CNTNAP5: variants seen among roughly 807,000 people sequenced by gnomAD.
CNTNAP5 encodes the protein contactin associated protein family member 5, also known as contactin-associated protein-like 5.
In CNTNAP5, 72 loss-of-function variants were observed where a neutral mutation model predicts 150.2. The observed-to-expected ratio is 0.48, with a 90% CI of 0.40 to 0.58. CNTNAP5 has a LOEUF of 0.58. CNTNAP5 is among the 20% of genes least tolerant of loss of function. CNTNAP5 has a pLI of 0.00. For synonymous variants in CNTNAP5, 672 were observed against 619.8 expected (o/e 1.08, Z -1.25); for missense variants, 1,636 against 1,626.2 (o/e 1.01, Z -0.10).
chr2:124,113,504 ATATG>A (rs1186664880), intron 1 of CNTNAP5, among the ~76,000 whole-genome samples: 9 of 115,412 alleles, frequency 7.8e-5, no homozygotes, highest in Middle Eastern at 4.1e-3. Context: ...TGATACATAT[ATATG>A]TGTGTGTGTG....
At position 124,764,944 on chromosome 2, in the gene CNTNAP5, C is replaced by T. The variant is rs540671185; in HGVS notation, c.2533+797C>T. ...TTTATGTTTCTGAGTCTCTACTTCTCGAAATTTGACAGTGACTTCATAAAA... is the reference window on the plus strand; with the variant it reads ...TTTATGTTTCTGAGTCTCTACTTCTTGAAATTTGACAGTGACTTCATAAAA... On this transcript the variant is annotated intron_variant, in intron 16 of 23. Coordinates refer to ENST00000682447, the MANE Select transcript of CNTNAP5 (RefSeq NM_001367498.1). Among the ~76,000 whole-genome samples the T allele has an allele frequency of 1.4e-4, 21 of 152,076 alleles. No individual in the cohort carries two copies. In the South Asian group the frequency reaches 4.1e-3, roughly 30 times the overall value.
At chr2:124,242,091 G>A in intron 2 of CNTNAP5, 109 bp from the exon 3 acceptor site, 3 of 847,268 alleles carry the variant, frequency 3.5e-6, no homozygotes, top group Non-Finnish European at 5.6e-6. Context: ...CCATTTGGGG[G>A]TAGAGTCATC....
chr2:124,240,194 C>T (rs6740414), intron 2 of CNTNAP5, among the ~76,000 whole-genome samples: 31,287 of 152,064 alleles, frequency 0.21, 3,309 homozygotes, highest in East Asian at 0.25. Context: ...GAGTCCAATG[C>T]ACAATGACTT....
chr2:124,463,987 A>G (rs1693316201), intron 6 of CNTNAP5, among the ~76,000 whole-genome samples: 1 of 152,190 alleles, frequency 6.6e-6, no homozygotes, highest in Non-Finnish European at 1.5e-5. Context: ...CTCAAAGGTT[A>G]GAGAAAAAAC....
intron 3 of CNTNAP5, among the ~76,000 whole-genome samples, chr2:124,290,879 T>TTTA (rs1388872141): frequency 3.3e-5 from 1 of 30,108 alleles, no homozygotes; most frequent in African/African-American, 2.0e-4. Flanking sequence ...CCTTCCTTTA[T>TTTA]TTATTTATTT....
intron 4 of CNTNAP5, among the ~76,000 whole-genome samples, chr2:124,429,082 A>G (rs1692307392): frequency 6.6e-6 from 1 of 152,208 alleles, no homozygotes. Context: ...AGATATCCAG[A>G]AAAAGTCGTT....
intron 1 of CNTNAP5, among the ~76,000 whole-genome samples, chr2:124,170,221 C>G: frequency 6.6e-6 from 1 of 151,164 alleles, no homozygotes; most frequent in Non-Finnish European, 1.5e-5. Flanking sequence ...AATCCACTTT[C>G]AGACATTATG....
intron 1 of CNTNAP5, among the ~76,000 whole-genome samples, chr2:124,084,551 G>A (rs1682633097): frequency 6.6e-6 from 1 of 152,050 alleles, no homozygotes; most frequent in South Asian, 2.1e-4. Flanking sequence ...TTACAAGCCT[G>A]AGCCACCGTG....
chr2:124,402,882 C>A (rs1444451577), intron 3 of CNTNAP5, among the ~76,000 whole-genome samples: 1 of 152,196 alleles, frequency 6.6e-6, no homozygotes, highest in Non-Finnish European at 1.5e-5. Flanking sequence ...TGGCCAGTGC[C>A]TAAAACCTAT....
intron 1 of CNTNAP5, among the ~76,000 whole-genome samples, chr2:124,052,344 G>A (rs898053351): frequency 1.3e-5 from 2 of 152,178 alleles, no homozygotes; most frequent in Non-Finnish European, 2.9e-5. Flanking sequence ...ACCCAGGGGA[G>A]TAGTCATACA....
At chr2:124,318,262 A>G (rs1689015790) in intron 3 of CNTNAP5, among the ~76,000 whole-genome samples, 1 of 152,218 alleles carries the variant, frequency 6.6e-6, no homozygotes, top group African/African-American at 2.4e-5. Flanking sequence ...TATGTAGAAG[A>G]GCTGAATTTT....
intron 3 of CNTNAP5, among the ~76,000 whole-genome samples, chr2:124,348,559 A>G (rs560170906): frequency 6.6e-6 from 1 of 152,310 alleles, no homozygotes; most frequent in African/African-American, 2.4e-5. Context: ...CTGTATAATT[A>G]TTATATTAAA....
At chr2:124,746,875 G>A (rs1680613347) in intron 13 of CNTNAP5, among the ~76,000 whole-genome samples, 1 of 152,078 alleles carries the variant, frequency 6.6e-6, no homozygotes. Context: ...CTGCCTCTCA[G>A]CATTGCCATT....
intron 6 of CNTNAP5, 126 bp from the exon 7 acceptor site, chr2:124,474,613 T>G (rs1319714728): frequency 1.4e-6 from 1 of 701,922 alleles, no homozygotes; most frequent in African/African-American, 1.8e-5. Context: ...AAGTAGCATC[T>G]ATAATTATTT....
intron 8 of CNTNAP5, among the ~76,000 whole-genome samples, chr2:124,507,418 C>T (rs908980610): frequency 7.2e-5 from 11 of 152,102 alleles, no homozygotes; most frequent in Middle Eastern, 3.4e-3. Flanking sequence ...ATAATCACGC[C>T]GCTGCACTCC....
At chr2:124,149,721 T>G (rs147287643) in intron 1 of CNTNAP5, among the ~76,000 whole-genome samples, 79 of 152,306 alleles carry the variant, frequency 5.2e-4, no homozygotes, top group African/African-American at 1.9e-3. Context: ...TGCTGCTGCT[T>G]CTTCCTCTCC....
chr2:124,263,872 C>T (rs1291789990), intron 3 of CNTNAP5, among the ~76,000 whole-genome samples: 1 of 152,114 alleles, frequency 6.6e-6, no homozygotes, highest in African/African-American at 2.4e-5. Context: ...CATATGGCAG[C>T]CAGTTTTCCC....
At chr2:124,836,326 A>C (rs762627417) in intron 19 of CNTNAP5, among the ~76,000 whole-genome samples, 15 of 152,146 alleles carry the variant, frequency 9.9e-5, no homozygotes, top group Non-Finnish European at 2.2e-4. Context: ...ATATGTTAGG[A>C]CAGATATTGA....
chr2:124,795,799 G>A (rs1175259285), intron 18 of CNTNAP5, among the ~76,000 whole-genome samples: 1 of 152,106 alleles, frequency 6.6e-6, no homozygotes, highest in Non-Finnish European at 1.5e-5. Flanking sequence ...TTACAGGTGT[G>A]AGCCACTGTG....
Sources: allele counts gnomAD v4.1 joint callset (sites outside exome capture counted in the v4.1 genomes callset), GRCh38; gene constraint gnomAD v4.1.1; transcripts MANE v1.5; gene names NCBI Gene and HGNC (gene_info 2026-07-23, HGNC 2026-07-21).